The following SMOC2 variants were observed in gnomAD, a reference collection of about 807,000 sequenced individuals.
The protein encoded by SMOC2 is SPARC related modular calcium binding 2, also known as SPARC-related modular calcium-binding protein 2.
Under a neutral mutation model 61.4 loss-of-function variants are expected in SMOC2, and 39 were observed. That is an observed-to-expected ratio of 0.64 (90% CI 0.49 to 0.83). The LOEUF (loss-of-function observed/expected upper bound fraction) is 0.83. SMOC2 is among the 40% of genes least tolerant of loss of function. The pLI is 0.00. For missense variants in SMOC2, 556 were observed against 592.9 expected (o/e 0.94, Z 0.65); for synonymous variants, 247 against 239.9 (o/e 1.03, Z -0.27).
intron 2 of SMOC2, among the ~76,000 whole-genome samples, chr6:168,518,507 G>A (rs537866426): frequency 2.1e-5 from 3 of 145,848 alleles, no homozygotes; most frequent in South Asian, 2.2e-4. Context: ...ATGTGTGAAT[G>A]TGTGTAAATG....
At chr6:168,485,591 T>A (rs942897793) in intron 1 of SMOC2, among the ~76,000 whole-genome samples, 3 of 152,020 alleles carry the variant, frequency 2.0e-5, no homozygotes, top group Admixed American at 2.0e-4. Flanking sequence ...ATCATATGAG[T>A]CTCTATATAA....
chr6:168,560,502 A>ACGTGAGGCTCTCAC lies in SMOC2; in HGVS notation c.637+11299_637+11300insCGTGAGGCTCTCAC, dbSNP rs1562348117. On this transcript the variant is annotated intron_variant, in intron 7 of 12. Transcript: ENST00000356284. Reference sequence around the variant, plus strand: ...CTGTGCCCACCTTTCTGGCCCTGAGATGTGAGGCTCTCACTGCGTTCTTGG... The same window carrying ACGTGAGGCTCTCAC: ...CTGTGCCCACCTTTCTGGCCCTGAGACGTGAGGCTCTCACTGTGAGGCTCTCACTGCGTTCTTGG... 1.1e-4 allele frequency among the ~76,000 whole-genome samples: 16 copies of ACGTGAGGCTCTCAC among 149,456 alleles called. 2 individuals carry two copies. The highest frequency in any genetic ancestry group is 1.2e-4 in the Non-Finnish European group (8 of 66,932).
chr6:168,607,170 A>T (rs1396850970), intron 8 of SMOC2, among the ~76,000 whole-genome samples: 1 of 151,950 alleles, frequency 6.6e-6, no homozygotes, highest in African/African-American at 2.4e-5. Context: ...TGTGTGCGGA[A>T]GATTGTCCTC....
At chr6:168,655,352 G>T (rs1237113237) in intron 11 of SMOC2, 2 of 455,306 alleles carry the variant, frequency 4.4e-6, no homozygotes, top group Non-Finnish European at 8.8e-6. Flanking sequence ...TTTAACAATT[G>T]AAAATACTTT....
chr6:168,570,975 A>G (rs976719139), intron 7 of SMOC2, among the ~76,000 whole-genome samples: 2 of 152,124 alleles, frequency 1.3e-5, no homozygotes, highest in Non-Finnish European at 2.9e-5. Flanking sequence ...TTAACAACCA[A>G]TGGAGCGTAG....
chr6:168,451,599 G>GTCTCTCTCTCTCTCTCTCTCTC (rs59096709), intron 1 of SMOC2, among the ~76,000 whole-genome samples: 1 of 145,532 alleles, frequency 6.9e-6, no homozygotes, highest in Non-Finnish European at 1.5e-5. Context: ...CTCTGTCTCT[G>GTCTCTCTCTCTCTCTCTCTCTC]TCTCTCTCTC....
At chr6:168,466,704 C>T (rs1202435177) in intron 1 of SMOC2, among the ~76,000 whole-genome samples, 3 of 152,250 alleles carry the variant, frequency 2.0e-5, no homozygotes, top group African/African-American at 2.4e-5. Flanking sequence ...AAAACCCCAG[C>T]TCCACGAAGG....
chr6:168,560,544 C>G (rs192279575), intron 7 of SMOC2, among the ~76,000 whole-genome samples: 1 of 138,242 alleles, frequency 7.2e-6, no homozygotes, highest in African/African-American at 2.7e-5. Context: ...TGTCATTTTC[C>G]TGCCCTGAGA....
intron 11 of SMOC2, among the ~76,000 whole-genome samples, chr6:168,654,080 A>G (rs76446227): frequency 0.34 from 15,765 of 45,956 alleles, 2,189 homozygotes; most frequent in Non-Finnish European, 0.44. Flanking sequence ...GCTCCAACCA[A>G]ATGTTAGGAA....
At chr6:168,570,630 A>G (rs924725957) in intron 7 of SMOC2, among the ~76,000 whole-genome samples, 6 of 152,170 alleles carry the variant, frequency 3.9e-5, no homozygotes, top group South Asian at 2.1e-4. Context: ...AGCATCTACA[A>G]TGGGCCTTGT....
rs117267712 is a variant in SMOC2 at position 168,445,980 on chromosome 6, C to G, written c.84+4526C>G. On this transcript the variant is annotated intron_variant, in intron 1 of 12. Coordinates refer to ENST00000356284, the MANE Select transcript of SMOC2 (RefSeq NM_001166412.2). The stretch of plus-strand genomic sequence containing the variant: ...TATCAAAATAAGCCTTCTTGCCAAT[C>G]CAGGATCTTAGAATGGGGATTGTTA... Among the ~76,000 whole-genome samples, 1,188 of 152,316 alleles carry G rather than the reference C, an allele frequency of 7.8e-3. 10 individuals are homozygous for G. The highest frequency in any genetic ancestry group is 0.028 in the South Asian group (133 of 4,820).
In SMOC2 at chr6:168,506,732, C is replaced by T. The variant is rs190376053; in HGVS notation, c.85-3183C>T. On this transcript the variant is annotated intron_variant, in intron 1 of 12. Transcript: ENST00000356284. ...TCGTGGAAATCAAAAGAAATGAGAA[C>T]CCCCTGCAATTGTGGGGTTTTTTAA... Among the ~76,000 whole-genome samples, 409 of 152,264 alleles carry T rather than the reference C, an allele frequency of 2.7e-3. 1 individual carries two copies. The highest frequency in any genetic ancestry group is 9.3e-3 in the African/African-American group (386 of 41,544).
chr6:168,473,542 C>T (rs560007567), intron 1 of SMOC2, among the ~76,000 whole-genome samples: 2 of 152,282 alleles, frequency 1.3e-5, no homozygotes, highest in South Asian at 2.1e-4. Flanking sequence ...GGTCTGGATT[C>T]TACCTGAAAC....
chr6:168,489,324 C>G (rs1001667783), intron 1 of SMOC2, among the ~76,000 whole-genome samples: 3 of 148,914 alleles, frequency 2.0e-5, no homozygotes, highest in Non-Finnish European at 4.4e-5. Flanking sequence ...ATCTGGGTCC[C>G]CTTGGATCAC....
At chr6:168,526,494 G>C (rs1427229558) in intron 3 of SMOC2, 42 bp downstream of exon 3, 1 of 1,540,562 alleles carries the variant, frequency 6.5e-7, no homozygotes, top group Non-Finnish European at 9.0e-7. Flanking sequence ...TGTGCGATTA[G>C]GGAGGGAGAT....
rs115093685 is a variant in SMOC2, at chr6:168,530,070, C to T, written c.463+2343C>T. 3.8e-3 allele frequency among the ~76,000 whole-genome samples: 574 copies of T among 152,178 alleles called. 1 individual carries two copies. Among genetic ancestry groups the T allele is most frequent in the African/African-American group, 0.013 (553 of 41,506 alleles). ...ATGTTTTTTGCCCTCAAGTTAATAC[C>T]GAGGTTACCATAGAAGCAGACTCTA... On this transcript the variant is annotated intron_variant, in intron 4 of 12. Coordinates refer to ENST00000356284, the MANE Select transcript of SMOC2 (RefSeq NM_001166412.2).
chr6:168,603,663 C>G (rs566942523), intron 8 of SMOC2, among the ~76,000 whole-genome samples: 5 of 151,930 alleles, frequency 3.3e-5, no homozygotes, highest in African/African-American at 1.2e-4. Flanking sequence ...ACACATCACA[C>G]TTAGCAGACA....
At chr6:168,464,455 T>G (rs1781784600) in intron 1 of SMOC2, among the ~76,000 whole-genome samples, 1 of 152,196 alleles carries the variant, frequency 6.6e-6, no homozygotes, top group African/African-American at 2.4e-5. Flanking sequence ...CTGGATGTAT[T>G]ATTTCCACTG....
chr6:168,454,809 G>T (rs1246990634), intron 1 of SMOC2, among the ~76,000 whole-genome samples: 2 of 152,220 alleles, frequency 1.3e-5, no homozygotes, highest in Non-Finnish European at 2.9e-5. Context: ...ACCTGTACTG[G>T]CCATGTGCTG....
Sources: allele counts gnomAD v4.1 joint callset (sites outside exome capture counted in the v4.1 genomes callset), GRCh38; gene constraint gnomAD v4.1.1; transcripts MANE v1.5; gene names NCBI Gene and HGNC (gene_info 2026-07-23, HGNC 2026-07-21).